Variants in DENND1C observed in about 807,000 individuals in gnomAD.
The protein encoded by DENND1C is DENN domain containing 1C, also known as DENN domain-containing protein 1C.
Under a neutral mutation model 87.9 loss-of-function variants are expected in DENND1C, and 64 were observed. That is an observed-to-expected ratio of 0.73 (90% CI 0.60 to 0.90). DENND1C has a LOEUF of 0.90. DENND1C is among the 40% of genes least tolerant of loss of function. The pLI is 0.00. For missense variants in DENND1C, 980 were observed against 1,037.0 expected (o/e 0.95, Z 0.76); for synonymous variants, 384 against 424.4 (o/e 0.90, Z 1.17).
At position 6,480,046 on chromosome 19, in the gene DENND1C, C is replaced by A. The variant is rs1452104721; in HGVS notation, c.23G>T (p.Gly8Val). The change falls in exon 2 of 23, where the codon GGC (glycine) becomes GTC (valine). Residue 8 changes from glycine (G) to valine (V), a missense_variant. Gly to Val is a moderately radical substitution (Grantham distance 109). Coordinates refer to ENST00000381480, the MANE Select transcript of DENND1C (RefSeq NM_024898.4). The part of the protein sequence containing the change: MESRAEG[G>V]SPAVFDWFFE... ...GAACCAATCAAACACAGCAGGGGAG[C>A]CCCCTCTGTGGGATGCAGAAGGGGT... 1 of 1,607,164 alleles carries A rather than the reference C, an allele frequency of 6.2e-7. No homozygotes were observed.
intron 10 of DENND1C, chr19:6,476,646 G>A (rs1402215229): frequency 3.5e-6 from 2 of 572,050 alleles, no homozygotes; most frequent in Non-Finnish European, 3.1e-6. Flanking sequence ...CCTGAGCACA[G>A]TACTCCCAAA....
rs1027189426 is a variant in DENND1C, at chr19:6,470,120, A to T, written c.1362+175T>A. 58 of 634,912 alleles carry T rather than the reference A, an allele frequency of 9.1e-5. 1 individual carries two copies. The highest frequency in any genetic ancestry group is 1.4e-4 in the Non-Finnish European group (54 of 379,230). The allele number at this position is 634,912 out of a possible 1,614,324, so 39.3% of individuals were successfully genotyped here. ...ACAAAAAATGAGTATAATAAATAAAAAATAAAAGGGGGAAGAGTTGTTAAT... is the reference window on the plus strand; with the variant it reads ...ACAAAAAATGAGTATAATAAATAAATAATAAAAGGGGGAAGAGTTGTTAAT... On this transcript the variant is annotated intron_variant, in intron 18 of 22. Coordinates refer to ENST00000381480, the MANE Select transcript of DENND1C (RefSeq NM_024898.4).
intron 17 of DENND1C, among the ~76,000 whole-genome samples, chr19:6,470,715 T>C (rs1236450499): frequency 7.1e-6 from 1 of 141,100 alleles, no homozygotes; most frequent in Non-Finnish European, 1.5e-5. Context: ...TCCACCTCCC[T>C]GGTTCAAGCG....
At position 6,475,589 on chromosome 19, in the gene DENND1C, C is replaced by T. The variant is rs373420359; in HGVS notation, c.826-4G>A. 5.0e-6 allele frequency: 8 copies of T among 1,613,980 alleles called. No homozygotes were observed. In the South Asian group the frequency reaches 7.7e-5, roughly 16 times the overall value. On this transcript the variant is annotated splice_region_variant and splice_polypyrimidine_tract_variant and intron_variant, in intron 12 of 22. Coordinates refer to ENST00000381480, the MANE Select transcript of DENND1C (RefSeq NM_024898.4). ...CCAGGGCTTTTTCTCGTACTCTCTG[C>T]GGAAAAGCGGGGTCGGCCGCTCAGA...
Position 6,475,458 on chromosome 19 carries a change from A to G in DENND1C, c.927+26T>C, listed in dbSNP as rs759416203. The G allele has an allele frequency of 5.6e-6, 9 of 1,613,740 alleles. No individual in the cohort carries two copies. The Admixed American group carries it at 1.5e-4, about 27-fold the overall frequency. On this transcript the variant is annotated intron_variant, in intron 13 of 22. Transcript: ENST00000381480. The stretch of plus-strand genomic sequence containing the variant: ...GTGTGGGCCCCTCGCCTCCCGGGGC[A>G]GGAAGGTGGGAGGGGCGACACTGAC...
chr19:6,475,544 G>A lies in DENND1C; in HGVS notation c.867C>T (p.Asn289=), dbSNP rs747262911. ...EKALEDVVVL[N]VDANTLETTF... Reference sequence around the variant, plus strand: ...TCGTCTCCAAGGTATTGGCGTCCACGTTCAGCACCACGACGTCCTCCAGGG... The same window carrying A: ...TCGTCTCCAAGGTATTGGCGTCCACATTCAGCACCACGACGTCCTCCAGGG... The change falls in exon 13 of 23, where the codon AAC becomes AAT. Residue 289 remains asparagine (N), a synonymous_variant. Coordinates refer to ENST00000381480, the MANE Select transcript of DENND1C (RefSeq NM_024898.4). 27 of 1,613,852 alleles carry A rather than the reference G, an allele frequency of 1.7e-5. No individual in the cohort carries two copies. Among genetic ancestry groups the A allele is most frequent in the South Asian group, 3.3e-5 (3 of 91,094 alleles).
At chr19:6,479,792 A>T in intron 3 of DENND1C, 67 bp downstream of exon 3, 1 of 1,613,826 alleles carries the variant, frequency 6.2e-7, no homozygotes, top group Non-Finnish European at 8.5e-7. Context: ...CAGGTCCAAG[A>T]AACCAAGTCC....
rs753709135 is a variant in DENND1C at position 6,468,012 on chromosome 19, C to G, written c.1898G>C (p.Ser633Thr). 5.0e-6 allele frequency: 8 copies of G among 1,613,722 alleles called. No individual in the cohort carries two copies. In the Admixed American group the frequency reaches 6.7e-5, roughly 13 times the overall value. Reference protein sequence around the residue: ...LQNASSLDATSSSKDSRSQLI... With the variant: ...LQNASSLDATTSSKDSRSQLI... The stretch of plus-strand genomic sequence containing the variant: ...CTGGGACCTGGAGTCCTTTGAAGAG[C>G]TGGTGGCATCCAAAGACGAGGCATT... Residue 633 changes from serine to threonine, a missense_variant, in exon 23 of 23, where the codon AGC (serine) becomes ACC (threonine). By Grantham distance (58) the Ser-to-Thr change is moderately conservative (BLOSUM62 1). Coordinates refer to ENST00000381480, the MANE Select transcript of DENND1C (RefSeq NM_024898.4).
intron 14 of DENND1C, among the ~76,000 whole-genome samples, chr19:6,474,180 G>A (rs1185595862): frequency 2.0e-5 from 3 of 150,154 alleles, no homozygotes; most frequent in African/African-American, 7.4e-5. Context: ...GGGCAAGAGA[G>A]CAAGACTCTG....
chr19:6,469,347 TGAGACAGGG>T, intron 19 of DENND1C: 2 of 513,368 alleles, frequency 3.9e-6, no homozygotes, highest in Non-Finnish European at 7.0e-6. Flanking sequence ...TTCTTTTTTT[TGAGACAGGG>T]TCTCTCTGTC....
chr19:6,472,775 G>A, intron 15 of DENND1C, 114 bp downstream of exon 15: 1 of 831,532 alleles, frequency 1.2e-6, no homozygotes. Flanking sequence ...ACTGTCTCCA[G>A]CTATACCCTC....
At position 6,476,845 on chromosome 19, in the gene DENND1C, A is replaced by G. The variant is rs1194684382; in HGVS notation, c.678+12T>C. ...CCCTGCTCCCACCCCGGCCCGGCGG[A>G]CCCCGCCTCACGGTGCTGAGTTTGC... On this transcript the variant is annotated intron_variant, in intron 10 of 22. Transcript: ENST00000381480. 1 of 1,607,000 alleles carries G rather than the reference A, an allele frequency of 6.2e-7. No individual in the cohort carries two copies. Among genetic ancestry groups the G allele is most frequent in the Non-Finnish European group, 8.5e-7 (1 of 1,177,968 alleles).
At chr19:6,480,784 T>C (rs1913521675) in intron 1 of DENND1C, among the ~76,000 whole-genome samples, 1 of 151,946 alleles carries the variant, frequency 6.6e-6, no homozygotes, top group Non-Finnish European at 1.5e-5. Context: ...TTCATATTTT[T>C]AGTAGAGACA....
rs181163781 is a variant in DENND1C at position 6,471,158 on chromosome 19, C to T, written c.1290+107G>A. 2.8e-4 allele frequency: 415 copies of T among 1,466,118 alleles called. 1 individual carries two copies. In the African/African-American group the frequency reaches 5.5e-3, roughly 19 times the overall value. The allele number at this position is 1,466,118 out of a possible 1,614,324, so 90.8% of individuals were successfully genotyped here. The stretch of plus-strand genomic sequence containing the variant: ...ATGGGGTTTCGTCACGTTGCCCTAA[C>T]CGGTCTCAAACTTCTGGTCGCAGCA... On this transcript the variant is annotated intron_variant, in intron 17 of 22. Transcript: ENST00000381480.
intron 17 of DENND1C, 53 bp downstream of exon 17, chr19:6,471,212 T>C: frequency 6.4e-7 from 1 of 1,552,660 alleles, no homozygotes; most frequent in East Asian, 2.4e-5. Flanking sequence ...CCTAATGTGT[T>C]GGGATTACAG....
chr19:6,468,398 C>T lies in DENND1C; in HGVS notation c.1627G>A (p.Glu543Lys). The T allele has an allele frequency of 6.2e-7, 1 of 1,613,874 alleles. No individual in the cohort carries two copies. Among genetic ancestry groups the T allele is most frequent in the African/African-American group, 1.3e-5 (1 of 75,060 alleles). Residue 543 changes from glutamate to lysine, a missense_variant, in exon 22 of 23, where the codon GAA becomes AAA. Coordinates refer to ENST00000381480, the MANE Select transcript of DENND1C (RefSeq NM_024898.4). Reference sequence around the variant, plus strand: ...AAGAAGCTGCTGTCCAGAGCTTCTTCTGCCCACGGGCACCCCTCATCCTCA... The same window carrying T: ...AAGAAGCTGCTGTCCAGAGCTTCTTTTGCCCACGGGCACCCCTCATCCTCA... ...SPEDEGCPWAEEALDSSFLGS... is the reference protein window; with the variant it reads ...SPEDEGCPWAKEALDSSFLGS...
At chr19:6,471,537 A>C in intron 15 of DENND1C, 41 bp from the exon 16 acceptor site, 1 of 1,485,142 alleles carries the variant, frequency 6.7e-7, no homozygotes, top group Non-Finnish European at 9.0e-7. Context: ...CAGGAGACAC[A>C]TCTGAATGCC....
intron 14 of DENND1C, among the ~76,000 whole-genome samples, chr19:6,474,141 G>A (rs1241499722): frequency 6.6e-6 from 1 of 151,646 alleles, no homozygotes. Flanking sequence ...GTTGCAGTGA[G>A]CCGAGATTGT....
At chr19:6,477,022 C>T (rs866399502) in intron 9 of DENND1C, 52 bp downstream of exon 9, 2 of 1,613,290 alleles carry the variant, frequency 1.2e-6, no homozygotes, top group Non-Finnish European at 1.7e-6. Context: ...CTTGCATCCC[C>T]GGTCCGGGTT....
Sources: gnomAD v4.1 joint callset for allele counts (sites outside exome capture counted in the v4.1 genomes callset) on GRCh38, gnomAD v4.1.1 for gene constraint, MANE v1.5 for transcripts, NCBI Gene and HGNC (gene_info 2026-07-23, HGNC 2026-07-21) for gene names.